LMLN: variants seen among roughly 807,000 people sequenced by gnomAD.
LMLN encodes the protein leishmanolysin-like peptidase.
A neutral mutation model predicts 92.3 loss-of-function variants in LMLN; 70 were observed. The observed-to-expected ratio is 0.76, with a 90% CI of 0.63 to 0.92. The LOEUF is 0.92. LMLN is among the 40% of genes least tolerant of loss of function. The pLI, the probability that LMLN is intolerant of heterozygous loss-of-function variation, is 0.00. For missense variants in LMLN, 691 were observed against 814.6 expected (o/e 0.85, Z 1.85); for synonymous variants, 308 against 296.2 (o/e 1.04, Z -0.41).
chr3:198,035,896 G>T (rs775499893), exon 15 of LMLN: 1 of 1,613,934 alleles, frequency 6.2e-7, no homozygotes, highest in Non-Finnish European at 8.5e-7. Context: ...GTGTAGTCGG[G>T]CTGGGCAGGT....
intron 14 of LMLN, among the ~76,000 whole-genome samples, chr3:198,028,116 CCACAGAGG>C (rs1722984723): frequency 6.6e-6 from 1 of 152,182 alleles, no homozygotes; most frequent in Admixed American, 6.5e-5. Flanking sequence ...GCATCCTGTA[CCACAGAGG>C]CATTTTTGGT....
intron 5 of LMLN, among the ~76,000 whole-genome samples, chr3:197,978,684 G>A (rs1025021114): frequency 3.9e-5 from 6 of 152,062 alleles, no homozygotes; most frequent in African/African-American, 1.4e-4. Context: ...CCTAAGCTAA[G>A]CTAGTGCTTA....
intron 13 of LMLN, among the ~76,000 whole-genome samples, chr3:198,022,988 T>G (rs367710434): frequency 1.3e-5 from 2 of 152,208 alleles, no homozygotes; most frequent in South Asian, 4.1e-4. Flanking sequence ...CATGTTATTG[T>G]TTTAGAGCTG....
chr3:198,005,941 AC>A (rs1722281792), intron 11 of LMLN, among the ~76,000 whole-genome samples: 3 of 150,900 alleles, frequency 2.0e-5, no homozygotes, highest in South Asian at 4.2e-4. Context: ...ACATAGTGAA[AC>A]CCCATCTCTA....
chr3:197,996,826 C>CA (rs1407722787), intron 10 of LMLN, among the ~76,000 whole-genome samples: 3 of 152,096 alleles, frequency 2.0e-5, no homozygotes, highest in Non-Finnish European at 4.4e-5. Context: ...TGGAGTGCTG[C>CA]AGCTATTCAC....
chr3:197,982,073 T>G (rs1313847411), intron 6 of LMLN, among the ~76,000 whole-genome samples: 1 of 152,056 alleles, frequency 6.6e-6, no homozygotes, highest in African/African-American at 2.4e-5. Context: ...CCCAGAGTGT[T>G]AGGATTACAG....
At chr3:198,028,613 A>AT (rs1428114657) in intron 14 of LMLN, among the ~76,000 whole-genome samples, 3 of 152,328 alleles carry the variant, frequency 2.0e-5, no homozygotes, top group African/African-American at 7.2e-5. Context: ...GGACCTTATC[A>AT]TATCACCTTT....
chr3:197,963,129 G>C (rs754446329), intron 1 of LMLN, among the ~76,000 whole-genome samples: 78 of 151,942 alleles, frequency 5.1e-4, no homozygotes, highest in African/African-American at 1.7e-3. Context: ...TCCATTTATT[G>C]AGGTGATGCA....
intron 7 of LMLN, among the ~76,000 whole-genome samples, chr3:197,984,968 G>A (rs575531950): frequency 3.3e-5 from 5 of 152,130 alleles, no homozygotes; most frequent in South Asian, 2.1e-4. Context: ...ATGAGCCACC[G>A]CGCCCAGCCC....
intron 14 of LMLN, among the ~76,000 whole-genome samples, chr3:198,032,990 T>C (rs1343379722): frequency 6.6e-6 from 1 of 152,224 alleles, no homozygotes; most frequent in Non-Finnish European, 1.5e-5. Context: ...TCTTGTGTTC[T>C]GCAGATCAGT....
At chr3:198,006,828 T>C (rs1177695690) in intron 11 of LMLN, among the ~76,000 whole-genome samples, 1 of 152,130 alleles carries the variant, frequency 6.6e-6, no homozygotes, top group Admixed American at 6.5e-5. Context: ...TTCTTTTGCC[T>C]CAGCCTCCAG....
chr3:197,992,348 G>A (rs373437199), intron 9 of LMLN, among the ~76,000 whole-genome samples: 14 of 152,152 alleles, frequency 9.2e-5, no homozygotes, highest in South Asian at 4.1e-4. Context: ...GATTACAGGC[G>A]TGAGCCACTG....
At chr3:197,965,743 G>C (rs1012467895) in intron 1 of LMLN, among the ~76,000 whole-genome samples, 1 of 152,110 alleles carries the variant, frequency 6.6e-6, no homozygotes, top group Non-Finnish European at 1.5e-5. Flanking sequence ...GTGAAACCCC[G>C]TGTCTACAAA....
chr3:198,020,768 ATTTTTTTTTT>A (rs71166715), intron 12 of LMLN, among the ~76,000 whole-genome samples: 5 of 32,870 alleles, frequency 1.5e-4, no homozygotes, highest in East Asian at 1.1e-3. Flanking sequence ...TAATTTTTGT[ATTTTTTTTTT>A]TTTTTTTTTT....
At chr3:197,990,829 C>T (rs1232145858) in intron 9 of LMLN, among the ~76,000 whole-genome samples, 153 bp downstream of exon 9, 1 of 152,140 alleles carries the variant, frequency 6.6e-6, no homozygotes, top group Non-Finnish European at 1.5e-5. Flanking sequence ...CTACGGGCCA[C>T]GAGAAATCTG....
rs376652552 is a variant in LMLN, at chr3:197,980,421, T to C, written c.645T>C (p.Val215=). 1.2e-5 allele frequency: 19 copies of C among 1,613,910 alleles called. No individual in the cohort carries two copies. In the African/African-American group the frequency reaches 2.4e-4, roughly 20 times the overall value. ...CAGATGCAGACTTTGTTCTTTACGT[T>C]GGTGCTCTGGCCACCGAGAGATGCA... Residue 215 remains valine (V), a synonymous_variant, in exon 6 of 16, where the codon GTT becomes GTC. Transcript: ENST00000330198.
At chr3:198,013,430 T>A (rs111904391) in intron 11 of LMLN, among the ~76,000 whole-genome samples, 78 of 119,934 alleles carry the variant, frequency 6.5e-4, no homozygotes, top group African/African-American at 2.5e-3. Flanking sequence ...CTCTCCACCC[T>A]TCAGAGCCCC....
At position 197,985,279 on chromosome 3, in the gene LMLN, C is replaced by T. The variant is rs1037697015; in HGVS notation, c.835-517C>T. ...TCTCAAAAAAGGAAGAAGGGCCGGGCGCGGTGGCTCTCGCCTGTAATCCCA... is the reference window on the plus strand; with the variant it reads ...TCTCAAAAAAGGAAGAAGGGCCGGGTGCGGTGGCTCTCGCCTGTAATCCCA... On this transcript the variant is annotated intron_variant, in intron 7 of 15. Coordinates refer to ENST00000330198, the Ensembl canonical transcript of LMLN. Among the ~76,000 whole-genome samples, 7 of 151,966 alleles carry T rather than the reference C, an allele frequency of 4.6e-5. No homozygotes were observed. In the East Asian group the frequency reaches 5.9e-4, roughly 13 times the overall value.
exon 16 of LMLN, chr3:198,040,175 C>T (rs1210818261): frequency 6.6e-6 from 1 of 152,178 alleles, no homozygotes; most frequent in African/African-American, 2.4e-5. Flanking sequence ...GAATTGTGTA[C>T]TAATAGCAAG....
Sources: allele counts gnomAD v4.1 joint callset (sites outside exome capture counted in the v4.1 genomes callset), GRCh38; gene constraint gnomAD v4.1.1; transcripts MANE v1.5; gene names NCBI Gene and HGNC (gene_info 2026-07-23, HGNC 2026-07-21).